SMARCC1: variants seen among roughly 807,000 people sequenced by gnomAD.
The protein encoded by SMARCC1 is SWI/SNF related BAF chromatin remodeling complex subunit C1.
SMARCC1 carries 43 observed loss-of-function variants against 147.4 expected under a neutral mutation model. The ratio of observed to expected loss-of-function variants is 0.29; its 90% CI spans 0.23 to 0.38. The LOEUF (loss-of-function observed/expected upper bound fraction) is 0.38. Ranked by LOEUF, SMARCC1 falls within the 10% of genes least tolerant of loss-of-function variation. SMARCC1 has a pLI of 1.00. For synonymous variants in SMARCC1, 495 were observed against 484.4 expected, an observed-to-expected ratio of 1.02 and a Z score of -0.29; for missense variants, 1,119 against 1,381.1, an observed-to-expected ratio of 0.81 and a Z score of 3.01.
At chr3:47,642,775 G>A (rs1479935808) in intron 21 of SMARCC1, among the ~76,000 whole-genome samples, 3 of 152,158 alleles carry the variant, frequency 2.0e-5, no homozygotes, top group African/African-American at 4.8e-5. Flanking sequence ...GCCACGTGTG[G>A]TGGCTCATGC....
chr3:47,689,180 G>GA (rs1459559557), intron 13 of SMARCC1, among the ~76,000 whole-genome samples: 2 of 151,926 alleles, frequency 1.3e-5, no homozygotes, highest in South Asian at 2.1e-4. Flanking sequence ...TGTCTCAAAA[G>GA]AAAAAACTAA....
intron 26 of SMARCC1, among the ~76,000 whole-genome samples, chr3:47,600,400 G>C (rs1576383412): frequency 6.6e-6 from 1 of 152,190 alleles, no homozygotes; most frequent in African/African-American, 2.4e-5. Context: ...AGGAAAGGAG[G>C]TAAGAATAAG....
At chr3:47,722,155 A>G (rs2034240272) in intron 6 of SMARCC1, among the ~76,000 whole-genome samples, 1 of 152,068 alleles carries the variant, frequency 6.6e-6, no homozygotes, top group Non-Finnish European at 1.5e-5. Flanking sequence ...CTGTCCTGTT[A>G]AGTGTGTCTT....
At chr3:47,643,818 C>T (rs537853323) in intron 21 of SMARCC1, among the ~76,000 whole-genome samples, 2 of 152,198 alleles carry the variant, frequency 1.3e-5, no homozygotes, top group African/African-American at 4.8e-5. Context: ...AAATACATAA[C>T]CTGCATTAAG....
rs2032084362 is a variant in SMARCC1 at position 47,587,194 on chromosome 3, A to C, written c.*1015T>G. 1 of 152,494 alleles carries C rather than the reference A, an allele frequency of 6.6e-6. No individual in the cohort carries two copies. 9.4% of individuals were successfully genotyped at this position (152,494 alleles called of 1,614,324 possible). ...GGGACTTGTACCCCCAGCCATCCTA[A>C]CCAAGTTTCATGAGCTAAAATATTT... On this transcript the variant is annotated 3_prime_UTR_variant, in exon 28 of 28. Coordinates refer to ENST00000254480, the MANE Select transcript of SMARCC1 (RefSeq NM_003074.4).
At chr3:47,693,362 A>G (rs2033812914) in intron 11 of SMARCC1, 62 bp from the exon 12 acceptor site, 1 of 930,512 alleles carries the variant, frequency 1.1e-6, no homozygotes, top group African/African-American at 1.6e-5. Flanking sequence ...TTTTAGAAAG[A>G]AAACAGAATA....
chr3:47,623,884 A>ATT (rs34106939), intron 24 of SMARCC1, among the ~76,000 whole-genome samples: 9,938 of 145,582 alleles, frequency 0.068, 454 homozygotes, highest in Non-Finnish European at 0.1. Context: ...TGTTTCTGGT[A>ATT]TTTTTTTTTT....
Position 47,708,811 on chromosome 3 carries a change from T to G in SMARCC1, c.918+1872A>C, listed in dbSNP as rs541849879. Among the ~76,000 whole-genome samples the G allele has an allele frequency of 2.6e-5, 4 of 152,296 alleles. No homozygotes were observed. The South Asian group carries it at 8.3e-4, about 32-fold the overall frequency. On this transcript the variant is annotated intron_variant, in intron 9 of 27. Coordinates refer to ENST00000254480, the MANE Select transcript of SMARCC1 (RefSeq NM_003074.4). ...TCTTTTCTTTTTTTTCTCTAAATTT[T>G]TTATCAGTTGAAGAGACGAGGTCTT...
chr3:47,680,543 TC>T (rs367614394), intron 14 of SMARCC1, 35 bp from the exon 15 acceptor site: 21 of 1,041,032 alleles, frequency 2.0e-5, no homozygotes, highest in South Asian at 4.3e-5. Flanking sequence ...TTAGGAGTGT[TC>T]TTTTTTTTTT....
intron 4 of SMARCC1, 98 bp from the exon 5 acceptor site, chr3:47,736,224 G>T: frequency 3.1e-6 from 2 of 639,620 alleles, no homozygotes; most frequent in South Asian, 2.0e-5. Context: ...AACCTTTTCT[G>T]CCACAAAAAA....
At chr3:47,621,159 G>A (rs574345472) in intron 25 of SMARCC1, among the ~76,000 whole-genome samples, 2 of 152,170 alleles carry the variant, frequency 1.3e-5, no homozygotes, top group Middle Eastern at 3.4e-3. Context: ...AATTAGCTGG[G>A]CGTGGTGGCG....
rs181420667 is a variant in SMARCC1, at chr3:47,614,674, T to A, written c.2782-4347A>T. The stretch of plus-strand genomic sequence containing the variant: ...TGACACCCTGGTCCAAGCCACCATA[T>A]CTCACGTGCATTAACCTAACAGCCT... On this transcript the variant is annotated intron_variant, in intron 25 of 27. Coordinates refer to ENST00000254480, the MANE Select transcript of SMARCC1 (RefSeq NM_003074.4). Among the ~76,000 whole-genome samples, 3 of 152,204 alleles carry A rather than the reference T, an allele frequency of 2.0e-5. No homozygotes were observed. The East Asian group carries it at 5.8e-4, about 29-fold the overall frequency.
chr3:47,738,760 A>G (rs1453798972), intron 3 of SMARCC1, among the ~76,000 whole-genome samples: 1 of 152,190 alleles, frequency 6.6e-6, no homozygotes, highest in Non-Finnish European at 1.5e-5. Context: ...TTGGGTATTT[A>G]ATTCTAATAC....
At chr3:47,735,556 G>A (rs2034431556) in intron 5 of SMARCC1, among the ~76,000 whole-genome samples, 1 of 152,034 alleles carries the variant, frequency 6.6e-6, no homozygotes, top group Non-Finnish European at 1.5e-5. Flanking sequence ...GATCACTCGA[G>A]GTCAGGAGTT....
At chr3:47,697,403 C>T (rs2033867038) in intron 11 of SMARCC1, among the ~76,000 whole-genome samples, 1 of 151,210 alleles carries the variant, frequency 6.6e-6, no homozygotes, top group South Asian at 2.1e-4. Flanking sequence ...CGGGTTCAAG[C>T]GATTCTCTTG....
chr3:47,756,755 C>G (rs1341853482), intron 2 of SMARCC1, among the ~76,000 whole-genome samples: 12 of 152,108 alleles, frequency 7.9e-5, no homozygotes. Context: ...AAAGCAAGTA[C>G]TTGCATCACA....
chr3:47,596,621 T>G (rs2032287606), intron 26 of SMARCC1, among the ~76,000 whole-genome samples: 1 of 149,660 alleles, frequency 6.7e-6, no homozygotes, highest in Non-Finnish European at 1.5e-5. Flanking sequence ...AAAGATGGGG[T>G]CTTGCTACGT....
chr3:47,698,092 CA>C (rs2033875572), intron 11 of SMARCC1, among the ~76,000 whole-genome samples: 1 of 116,038 alleles, frequency 8.6e-6, no homozygotes, highest in Non-Finnish European at 1.8e-5. Flanking sequence ...ATTAAACAAT[CA>C]AATATAGCCA....
At chr3:47,680,293 G>A in intron 15 of SMARCC1, 144 bp downstream of exon 15, 1 of 674,892 alleles carries the variant, frequency 1.5e-6, no homozygotes, top group Non-Finnish European at 2.6e-6. Flanking sequence ...ACCATGGAAT[G>A]CTATGCAAAT....
Sources: gnomAD v4.1 joint callset for allele counts (sites outside exome capture counted in the v4.1 genomes callset) on GRCh38, gnomAD v4.1.1 for gene constraint, MANE v1.5 for transcripts, NCBI Gene and HGNC (gene_info 2026-07-23, HGNC 2026-07-21) for gene names.